PDLIM1: variants seen among roughly 807,000 people sequenced by gnomAD.
PDLIM1 encodes PDZ and LIM domain protein 1.
PDLIM1 carries 25 observed loss-of-function variants against 35.2 expected under a neutral mutation model. The ratio of observed to expected loss-of-function variants is 0.71; its 90% CI spans 0.52 to 0.99. PDLIM1 has a LOEUF of 0.99. Among genes scored for constraint, PDLIM1 ranks in the 50% least tolerant of loss-of-function variants. The probability of loss-of-function intolerance (pLI) is 0.00; values close to 1 mark genes in which losing one functional copy is unlikely to be tolerated. For missense variants in PDLIM1, 363 were observed against 415.3 expected, an observed-to-expected ratio of 0.87 and a Z score of 1.09; for synonymous variants, 152 against 154.0, an observed-to-expected ratio of 0.99 and a Z score of 0.10.
chr10:95,269,898 G>C (rs2035448133), intron 2 of PDLIM1, among the ~76,000 whole-genome samples: 1 of 151,944 alleles, frequency 6.6e-6, no homozygotes, highest in Non-Finnish European at 1.5e-5. Flanking sequence ...ATCATCCCTA[G>C]CTAATTTTTT....
intron 1 of PDLIM1, 33 bp from the exon 2 acceptor site, chr10:95,271,817 A>G (rs1380127062): frequency 1.9e-6 from 3 of 1,601,296 alleles, no homozygotes; most frequent in Non-Finnish European, 8.5e-7. Context: ...GCTAGTTACT[A>G]TTTGTCTCCA....
At chr10:95,274,518 A>G (rs926960523) in intron 1 of PDLIM1, among the ~76,000 whole-genome samples, 14 of 152,078 alleles carry the variant, frequency 9.2e-5, no homozygotes, top group Non-Finnish European at 1.8e-4. Context: ...GCTGGTCTCG[A>G]ACTCCTGACC....
chr10:95,283,998 T>C (rs1482968987), intron 1 of PDLIM1, among the ~76,000 whole-genome samples: 2 of 152,126 alleles, frequency 1.3e-5, no homozygotes, highest in Non-Finnish European at 2.9e-5. Context: ...TGTGTGTGTG[T>C]GTGTGTGTGT....
At position 95,268,455 on chromosome 10, in the gene PDLIM1, A is replaced by G. The variant is rs796410030; in HGVS notation, c.333+323T>C. ...CATGATTCATTTGTTGCTGAAATCC[A>G]TAACGAGCTGAATAGCTCCTTGACT... On this transcript the variant is annotated intron_variant, in intron 3 of 6. Coordinates refer to ENST00000329399, the MANE Select transcript of PDLIM1 (RefSeq NM_020992.4). 4.5e-4 allele frequency among the ~76,000 whole-genome samples: 69 copies of G among 152,340 alleles called. 1 individual carries two copies. Among genetic ancestry groups the G allele is most frequent in the African/African-American group, 1.6e-3 (67 of 41,584 alleles).
At chr10:95,268,740 G>T in intron 3 of PDLIM1, 38 bp downstream of exon 3, 1 of 1,307,748 alleles carries the variant, frequency 7.6e-7, no homozygotes, top group Non-Finnish European at 1.1e-6. Context: ...CAAAGTGCTG[G>T]GTGGTGAGAG....
chr10:95,240,610 T>A (rs1190950897), intron 5 of PDLIM1, among the ~76,000 whole-genome samples: 1 of 152,182 alleles, frequency 6.6e-6, no homozygotes, highest in Admixed American at 6.5e-5. Flanking sequence ...ATTACCTATG[T>A]AACAAACCTG....
intron 5 of PDLIM1, among the ~76,000 whole-genome samples, chr10:95,240,010 T>C (rs913260166): frequency 2.6e-5 from 4 of 152,084 alleles, no homozygotes; most frequent in Non-Finnish European, 4.4e-5. Context: ...GGCAAGGTTG[T>C]GGAGAAAAAA....
At chr10:95,258,826 A>G (rs2035337885) in intron 4 of PDLIM1, among the ~76,000 whole-genome samples, 2 of 152,190 alleles carry the variant, frequency 1.3e-5, no homozygotes, top group Admixed American at 1.3e-4. Context: ...TTTTTAACAC[A>G]ATAAAAAAAG....
intron 1 of PDLIM1, among the ~76,000 whole-genome samples, chr10:95,287,829 T>C (rs1046954751): frequency 6.6e-6 from 1 of 151,912 alleles, no homozygotes; most frequent in Admixed American, 6.6e-5. Context: ...AGCTAGCCTA[T>C]GTCCACTTAA....
chr10:95,262,919 G>A (rs1804284480), intron 4 of PDLIM1, among the ~76,000 whole-genome samples: 1 of 152,036 alleles, frequency 6.6e-6, no homozygotes, highest in African/African-American at 2.4e-5. Flanking sequence ...GAGGTGGGAG[G>A]ATCACTTGGG....
intron 1 of PDLIM1, among the ~76,000 whole-genome samples, chr10:95,284,486 T>C (rs1256173417): frequency 6.6e-6 from 1 of 152,112 alleles, no homozygotes; most frequent in Non-Finnish European, 1.5e-5. Context: ...CTTGAGTAGC[T>C]GGAACTACAG....
intron 1 of PDLIM1, among the ~76,000 whole-genome samples, chr10:95,274,269 C>A (rs527783319): frequency 6.0e-5 from 9 of 150,002 alleles, no homozygotes; most frequent in African/African-American, 2.2e-4. Context: ...CACCTCCAAT[C>A]TAAGCTATAC....
At chr10:95,244,455 G>T (rs2035202533) in intron 5 of PDLIM1, among the ~76,000 whole-genome samples, 1 of 152,218 alleles carries the variant, frequency 6.6e-6, no homozygotes, top group Admixed American at 6.5e-5. Flanking sequence ...CTTGCTGGAG[G>T]TGTCACAGCA....
At chr10:95,251,617 TA>T (rs1468787377) in intron 4 of PDLIM1, among the ~76,000 whole-genome samples, 2 of 152,186 alleles carry the variant, frequency 1.3e-5, no homozygotes, top group African/African-American at 4.8e-5. Context: ...TTAATAAAAC[TA>T]CCTGTATGTG....
rs200363883 is a variant in PDLIM1, at chr10:95,271,654, T to C, written c.227A>G (p.Asn76Ser). ...TCACCTGGCTACAGTGAGAGTCAAG[T>C]TGTCTGTGCAGCCTTTGATTCTGTT... Reference protein sequence around the residue: ...AQNRIKGCTDNLTLTVARSEH... With the variant: ...AQNRIKGCTDSLTLTVARSEH... The change falls in exon 2 of 7, where the codon AAC becomes AGC. Residue 76 changes from asparagine to serine, a missense_variant. Coordinates refer to ENST00000329399, the MANE Select transcript of PDLIM1 (RefSeq NM_020992.4). 6.2e-5 allele frequency: 100 copies of C among 1,605,954 alleles called. 1 individual carries two copies. Among genetic ancestry groups the C allele is most frequent in the Non-Finnish European group, 8.2e-5 (97 of 1,178,134 alleles).
At chr10:95,270,459 G>C (rs1425096335) in intron 2 of PDLIM1, among the ~76,000 whole-genome samples, 1 of 152,120 alleles carries the variant, frequency 6.6e-6, no homozygotes, top group Admixed American at 6.5e-5. Context: ...ATCTGAATTT[G>C]ATGCAGTAGG....
Position 95,290,664 on chromosome 10 carries a change from G to A in PDLIM1, c.96+156C>T, listed in dbSNP as rs2035645305. Among the ~76,000 whole-genome samples the A allele has an allele frequency of 6.6e-6, 1 of 151,682 alleles. No individual in the cohort carries two copies. The highest frequency in any genetic ancestry group is 1.9e-4 in the East Asian group (1 of 5,130). On this transcript the variant is annotated intron_variant, in intron 1 of 6. Coordinates refer to ENST00000329399, the MANE Select transcript of PDLIM1 (RefSeq NM_020992.4). This position sits in a 1 kb window ranked among gnomAD's most constrained non-coding sequence, Gnocchi z 4.7. The stretch of plus-strand genomic sequence containing the variant: ...CCGCGAAGGGGCGGCGGGGAGCGGC[G>A]GGGCCCGGGCGCGCGGAGAGCGCTC...
intron 1 of PDLIM1, among the ~76,000 whole-genome samples, chr10:95,286,873 C>T (rs1299247412): frequency 5.9e-5 from 9 of 152,158 alleles, no homozygotes; most frequent in Non-Finnish European, 8.8e-5. Context: ...TATCCTGATC[C>T]CAGTACACAG....
chr10:95,288,193 TA>T (rs947201426), intron 1 of PDLIM1, among the ~76,000 whole-genome samples: 1 of 152,068 alleles, frequency 6.6e-6, no homozygotes, highest in African/African-American at 2.4e-5. Flanking sequence ...AGTTAAAAAA[TA>T]AAAAAATTGC....
Sources: allele counts gnomAD v4.1 joint callset (sites outside exome capture counted in the v4.1 genomes callset), GRCh38; gene constraint gnomAD v4.1.1; non-coding constraint Gnocchi (gnomAD v3.1); transcripts MANE v1.5; gene names NCBI Gene and HGNC (gene_info 2026-07-23, HGNC 2026-07-21).